PRKCB: variants seen among roughly 807,000 people sequenced by gnomAD.
PRKCB encodes protein kinase C beta.
PRKCB carries 13 observed loss-of-function variants against 81.5 expected under a neutral mutation model. The ratio of observed to expected loss-of-function variants is 0.16; its 90% CI spans 0.10 to 0.25. The LOEUF is 0.25. PRKCB is among the 10% of genes least tolerant of loss of function. The pLI is 1.00. For missense variants in PRKCB, 509 were observed against 875.7 expected (o/e 0.58, Z 5.29); for synonymous variants, 335 against 321.4 (o/e 1.04, Z -0.45).
At chr16:23,967,565 G>A (rs1048511895) in intron 2 of PRKCB, among the ~76,000 whole-genome samples, 26 of 152,254 alleles carry the variant, frequency 1.7e-4, no homozygotes, top group African/African-American at 6.3e-4. Context: ...ACAGCAGGAG[G>A]TTTTTGGAGA....
intron 2 of PRKCB, among the ~76,000 whole-genome samples, chr16:23,883,412 C>T (rs6497694): frequency 0.79 from 119,376 of 151,986 alleles, 47,000 homozygotes; most frequent in East Asian, 0.98. Flanking sequence ...GTTGCTGGGG[C>T]GTGGTGGGTG....
intron 2 of PRKCB, among the ~76,000 whole-genome samples, chr16:23,954,303 T>C (rs1964322751): frequency 6.6e-6 from 1 of 151,988 alleles, no homozygotes; most frequent in Non-Finnish European, 1.5e-5. Context: ...CTGAAGGAGG[T>C]GTCAGAGAAG....
At chr16:23,973,563 G>A (rs548314445) in intron 2 of PRKCB, among the ~76,000 whole-genome samples, 179 of 152,162 alleles carry the variant, frequency 1.2e-3, no homozygotes, top group African/African-American at 4.2e-3. Flanking sequence ...CTACTTTATG[G>A]TTGAAAATAA....
At chr16:24,136,948 G>A (rs1026276041) in intron 9 of PRKCB, among the ~76,000 whole-genome samples, 8 of 152,016 alleles carry the variant, frequency 5.3e-5, no homozygotes, top group African/African-American at 1.9e-4. Flanking sequence ...CATGATCTCG[G>A]CTCACTGCAA....
intron 3 of PRKCB, among the ~76,000 whole-genome samples, chr16:24,008,197 G>C (rs1472299990): frequency 2.0e-5 from 3 of 152,232 alleles, no homozygotes; most frequent in Non-Finnish European, 4.4e-5. Context: ...GAGAGGTCCA[G>C]CTCTAGGCCC....
chr16:24,131,079 G>A (rs1286860898), intron 9 of PRKCB, among the ~76,000 whole-genome samples: 5 of 152,178 alleles, frequency 3.3e-5, no homozygotes, highest in Non-Finnish European at 7.3e-5. Context: ...AGGTGTTAGT[G>A]GTGACTTTCT....
At chr16:23,917,809 A>G (rs1414715975) in intron 2 of PRKCB, among the ~76,000 whole-genome samples, 1 of 152,236 alleles carries the variant, frequency 6.6e-6, no homozygotes, top group Non-Finnish European at 1.5e-5. Flanking sequence ...ATTAGTGGGT[A>G]TCAGAGGGTA....
chr16:24,160,654 C>T (rs982315070), intron 10 of PRKCB, among the ~76,000 whole-genome samples: 1 of 152,084 alleles, frequency 6.6e-6, no homozygotes, highest in African/African-American at 2.4e-5. Context: ...AGATAAAGTC[C>T]CTGTTTCTTT....
intron 9 of PRKCB, among the ~76,000 whole-genome samples, chr16:24,139,367 A>G (rs1195175981): frequency 1.3e-5 from 2 of 152,140 alleles, no homozygotes; most frequent in African/African-American, 4.8e-5. Context: ...TCTTGTTACA[A>G]CCCAATTAGA....
intron 2 of PRKCB, among the ~76,000 whole-genome samples, chr16:23,927,682 G>C (rs1292883335): frequency 2.0e-5 from 3 of 152,006 alleles, no homozygotes; most frequent in Admixed American, 1.3e-4. Context: ...GAGATATTTA[G>C]GGGGTGTTAT....
chr16:23,870,000 C>G (rs1307770904), intron 2 of PRKCB, among the ~76,000 whole-genome samples: 7 of 146,520 alleles, frequency 4.8e-5, no homozygotes, highest in African/African-American at 7.7e-5. Flanking sequence ...CTAGCCTGGG[C>G]GACAGAGTGA....
At position 24,218,327 on chromosome 16, in the gene PRKCB, G is replaced by A. The variant is rs924873387; in HGVS notation, c.*3511G>A. The A allele has an allele frequency of 4.6e-5, 45 of 985,132 alleles. No individual in the cohort carries two copies. The highest frequency in any genetic ancestry group is 4.5e-4 in the African/African-American group (26 of 57,154). 61.0% of individuals were successfully genotyped at this position (985,132 alleles called of 1,614,324 possible). A position where few individuals can be genotyped will look rare whatever the true frequency, so the allele number is the denominator to read the frequency against. ...TTGTGAACACCGGAAGTAACATGCC[G>A]AGCGCCTGGGGGATGGAAACTCCTA... On this transcript the variant is annotated 3_prime_UTR_variant, in exon 17 of 17. Coordinates refer to ENST00000643927, the MANE Select transcript of PRKCB (RefSeq NM_002738.7).
chr16:23,872,047 A>G (rs1348523670), intron 2 of PRKCB, among the ~76,000 whole-genome samples: 1 of 152,166 alleles, frequency 6.6e-6, no homozygotes, highest in African/African-American at 2.4e-5. Flanking sequence ...CATAATTGTC[A>G]AGAACATGCT....
At chr16:24,121,588 G>C (rs746437901) in intron 8 of PRKCB, among the ~76,000 whole-genome samples, 18 of 152,074 alleles carry the variant, frequency 1.2e-4, no homozygotes, top group Non-Finnish European at 2.2e-4. Flanking sequence ...TGTTGCCCAG[G>C]CTGGTCTTGA....
intron 2 of PRKCB, among the ~76,000 whole-genome samples, chr16:23,959,984 A>G (rs1964402940): frequency 1.3e-5 from 2 of 152,090 alleles, no homozygotes; most frequent in African/African-American, 2.4e-5. Context: ...CTGGCTTCCA[A>G]TGGGCAGCAA....
At chr16:24,021,339 C>T (rs1463501568) in intron 3 of PRKCB, among the ~76,000 whole-genome samples, 5 of 73,144 alleles carry the variant, frequency 6.8e-5, no homozygotes, top group African/African-American at 3.5e-4. Flanking sequence ...TCCTTCCTTC[C>T]TTCCTTCCTT....
chr16:24,067,735 G>A (rs890060211), intron 5 of PRKCB, among the ~76,000 whole-genome samples: 1 of 152,138 alleles, frequency 6.6e-6, no homozygotes, highest in Non-Finnish European at 1.5e-5. Flanking sequence ...GGGAGGACAA[G>A]GTGGGTGGAT....
chr16:23,880,875 CATAAG>C (rs1963095583), intron 2 of PRKCB, among the ~76,000 whole-genome samples: 1 of 152,140 alleles, frequency 6.6e-6, no homozygotes, highest in South Asian at 2.1e-4. Flanking sequence ...GTCAAGATGA[CATAAG>C]AGACTATCTG....
chr16:24,166,012 G>A (rs573700789), intron 10 of PRKCB, among the ~76,000 whole-genome samples: 9 of 149,200 alleles, frequency 6.0e-5, no homozygotes, highest in East Asian at 2.0e-4. Context: ...TCAGCCTTCC[G>A]AATAGCTGAC....
Sources: allele counts gnomAD v4.1 joint callset (sites outside exome capture counted in the v4.1 genomes callset), GRCh38; gene constraint gnomAD v4.1.1; transcripts MANE v1.5; gene names NCBI Gene and HGNC (gene_info 2026-07-23, HGNC 2026-07-21).